Variants in GPR176 observed in about 807,000 individuals in gnomAD.
The protein encoded by GPR176 is G protein-coupled receptor 176, also known as G-protein coupled receptor 176.
GPR176 carries 26 observed loss-of-function variants against 35.4 expected under a neutral mutation model. That is an observed-to-expected ratio of 0.74 (90% CI 0.54 to 1.02). GPR176 has a LOEUF of 1.02. Ranked by LOEUF, GPR176 falls within the 50% of genes least tolerant of loss-of-function variation. GPR176 has a pLI of 0.00. For synonymous variants in GPR176, 278 were observed against 271.3 expected, an observed-to-expected ratio of 1.02 and a Z score of -0.24; for missense variants, 597 against 665.3, an observed-to-expected ratio of 0.90 and a Z score of 1.13.
In GPR176 at chr15:39,801,634, C is replaced by A. The variant is rs530353462; in HGVS notation, c.1046G>T (p.Ser349Ile). The A allele has an allele frequency of 6.2e-7, 1 of 1,614,098 alleles. No individual in the cohort carries two copies. Among genetic ancestry groups the A allele is most frequent in the African/African-American group, 1.3e-5 (1 of 75,046 alleles). Residue 349 changes from serine (S) to isoleucine (I), a missense_variant, in exon 3 of 3, where the codon AGT becomes ATT. Around this residue, in one of 3 missense-constraint regions of GPR176, gnomAD observed 251 missense variants for 255.4 expected, o/e 0.98. Coordinates refer to ENST00000561100, the MANE Select transcript of GPR176 (RefSeq NM_007223.3). ...GGCCTCAGCCATGCCACTCCCTGTA[C>A]TGACCACATTACGGCGACTGTACCG... is the stretch of plus-strand genomic sequence containing the variant. ...HHRYSRRNVV[S>I]TGSGMAEASL...
rs555252475 is a variant in GPR176 at position 39,875,140 on chromosome 15, A to G, written c.172+44715T>C. ...GAACATGGAGCCCAGTACACAACCAATACTGCCATCTGTTGGTGCCAGGCA... is the reference window on the plus strand; with the variant it reads ...GAACATGGAGCCCAGTACACAACCAGTACTGCCATCTGTTGGTGCCAGGCA... On this transcript the variant is annotated intron_variant, in intron 1 of 2. Coordinates refer to ENST00000561100, the MANE Select transcript of GPR176 (RefSeq NM_007223.3). Among the ~76,000 whole-genome samples, 338 of 152,282 alleles carry G rather than the reference A, an allele frequency of 2.2e-3. 1 individual carries two copies. The highest frequency in any genetic ancestry group is 2.9e-3 in the Admixed American group (44 of 15,276).
intron 1 of GPR176, among the ~76,000 whole-genome samples, chr15:39,893,257 G>A (rs1018353398): frequency 6.6e-6 from 1 of 152,116 alleles, no homozygotes; most frequent in Non-Finnish European, 1.5e-5. Flanking sequence ...GCAGCCTTCC[G>A]CAGTGTTTGT....
chr15:39,873,495 C>G (rs1392040640), intron 1 of GPR176, among the ~76,000 whole-genome samples: 1 of 152,120 alleles, frequency 6.6e-6, no homozygotes, highest in Non-Finnish European at 1.5e-5. Flanking sequence ...CAGCATAGAA[C>G]CGAAAACTAC....
intron 1 of GPR176, among the ~76,000 whole-genome samples, chr15:39,903,893 T>C (rs1398462622): frequency 6.6e-6 from 1 of 152,138 alleles, no homozygotes; most frequent in Non-Finnish European, 1.5e-5. Flanking sequence ...AGCAAGTTTA[T>C]TAGGAAAATA....
chr15:39,846,253 G>C (rs2030419826), intron 1 of GPR176, among the ~76,000 whole-genome samples: 1 of 152,220 alleles, frequency 6.6e-6, no homozygotes, highest in Admixed American at 6.5e-5. Flanking sequence ...AGTCTAGCAT[G>C]ACTGACTCGA....
At chr15:39,810,766 A>T (rs1353410498) in intron 1 of GPR176, among the ~76,000 whole-genome samples, 1 of 152,236 alleles carries the variant, frequency 6.6e-6, no homozygotes, top group East Asian at 1.9e-4. Flanking sequence ...AGACTGTGCC[A>T]AGAGGGAGGC....
chr15:39,801,761 A>G lies in GPR176; in HGVS notation c.919T>C (p.Trp307Arg). ...TSVFLLLTAV[W>R]LPKVSLLANP... is the part of the protein sequence containing the mutation. The stretch of plus-strand genomic sequence containing the variant: ...GCCAGCAGGGAGACTTTGGGCAGCC[A>G]AACAGCAGTGAGCAGCAAGAAGACG... Residue 307 changes from tryptophan to arginine, a missense_variant, in exon 3 of 3, where the codon TGG becomes CGG. Around this residue, in one of 3 missense-constraint regions of GPR176, gnomAD observed 220 missense variants for 297.6 expected, o/e 0.74. Coordinates refer to ENST00000561100, the MANE Select transcript of GPR176 (RefSeq NM_007223.3). 1 of 1,614,010 alleles carries G rather than the reference A, an allele frequency of 6.2e-7. No homozygotes were observed. Among genetic ancestry groups the G allele is most frequent in the East Asian group, 2.2e-5 (1 of 44,876 alleles).
intron 1 of GPR176, 28 bp from the exon 2 acceptor site, chr15:39,807,286 A>C (rs1257814858): frequency 1.1e-5 from 15 of 1,376,702 alleles, no homozygotes; most frequent in Non-Finnish European, 1.4e-5. Context: ...AAAATAAAAT[A>C]ATTTAAATAA....
intron 1 of GPR176, among the ~76,000 whole-genome samples, chr15:39,863,242 C>A (rs1007547248): frequency 1.3e-5 from 2 of 151,464 alleles, no homozygotes; most frequent in Non-Finnish European, 2.9e-5. Context: ...CCACGCCTGG[C>A]TAATTTTTTT....
intron 1 of GPR176, among the ~76,000 whole-genome samples, chr15:39,822,627 A>C (rs901519827): frequency 1.3e-5 from 2 of 152,258 alleles, no homozygotes; most frequent in East Asian, 3.8e-4. Flanking sequence ...ACAAATTTTA[A>C]AAAATCATGT....
intron 1 of GPR176, among the ~76,000 whole-genome samples, chr15:39,832,265 G>A (rs1901136683): frequency 1.3e-5 from 2 of 152,246 alleles, no homozygotes; most frequent in South Asian, 4.1e-4. Flanking sequence ...ATAGACTGCT[G>A]GTGGGAATGC....
chr15:39,915,662 G>C (rs1040735419), intron 1 of GPR176, among the ~76,000 whole-genome samples: 1 of 152,072 alleles, frequency 6.6e-6, no homozygotes, highest in Non-Finnish European at 1.5e-5. Context: ...ATCATCTGAG[G>C]TCAGGAGTTC....
chr15:39,886,102 G>C (rs529133443), intron 1 of GPR176, among the ~76,000 whole-genome samples: 1 of 152,042 alleles, frequency 6.6e-6, no homozygotes, highest in East Asian at 1.9e-4. Context: ...GCATGGTGGC[G>C]GGCGCCTGTA....
chr15:39,874,117 C>T (rs1406701030), intron 1 of GPR176, among the ~76,000 whole-genome samples: 2 of 152,168 alleles, frequency 1.3e-5, no homozygotes, highest in Non-Finnish European at 1.5e-5. Context: ...TATGAGTTTC[C>T]ACCAAACAGG....
At chr15:39,915,723 A>T (rs985392809) in intron 1 of GPR176, among the ~76,000 whole-genome samples, 1 of 151,994 alleles carries the variant, frequency 6.6e-6, no homozygotes, top group Non-Finnish European at 1.5e-5. Flanking sequence ...AAAAATACAA[A>T]AAAAAATTAG....
intron 1 of GPR176, among the ~76,000 whole-genome samples, chr15:39,808,545 G>A (rs1899338595): frequency 6.6e-6 from 1 of 152,118 alleles, no homozygotes; most frequent in Non-Finnish European, 1.5e-5. Flanking sequence ...AACTGCTCCT[G>A]CCTCCATTAT....
At chr15:39,803,230 T>C (rs548822014) in intron 2 of GPR176, among the ~76,000 whole-genome samples, 6 of 149,912 alleles carry the variant, frequency 4.0e-5, no homozygotes, top group East Asian at 3.9e-4. Context: ...CATTCACTCA[T>C]AGGGCAAGTA....
At chr15:39,900,147 T>A (rs1003168571) in intron 1 of GPR176, among the ~76,000 whole-genome samples, 2 of 151,540 alleles carry the variant, frequency 1.3e-5, no homozygotes, top group Admixed American at 6.6e-5. Context: ...TAAATTTAAA[T>A]GATAAAATCT....
At chr15:39,847,123 A>G (rs1454653195) in intron 1 of GPR176, among the ~76,000 whole-genome samples, 1 of 152,186 alleles carries the variant, frequency 6.6e-6, no homozygotes, top group Non-Finnish European at 1.5e-5. Flanking sequence ...AGCAACCACT[A>G]AGAAAGCAAT....
Sources: allele counts gnomAD v4.1 joint callset (sites outside exome capture counted in the v4.1 genomes callset), GRCh38; gene constraint gnomAD v4.1.1; regional missense constraint gnomAD v4.1.1; transcripts MANE v1.5; gene names NCBI Gene and HGNC (gene_info 2026-07-23, HGNC 2026-07-21).